FHAD1: variants seen among roughly 807,000 people sequenced by gnomAD.
FHAD1 encodes the protein forkhead associated phosphopeptide binding domain 1.
In FHAD1, 146 loss-of-function variants were observed where a neutral mutation model predicts 191.3. That is an observed-to-expected ratio of 0.76 (90% CI 0.67 to 0.88). The LOEUF is 0.88. Ranked by LOEUF, FHAD1 falls within the 40% of genes least tolerant of loss-of-function variation. The pLI is 0.00. For synonymous variants in FHAD1, 616 were observed against 672.3 expected (o/e 0.92, Z 1.29); for missense variants, 1,635 against 1,785.8 (o/e 0.92, Z 1.52).
intron 14 of FHAD1, among the ~76,000 whole-genome samples, chr1:15,331,754 G>A (rs1453786040): frequency 6.6e-6 from 1 of 151,916 alleles, no homozygotes; most frequent in Non-Finnish European, 1.5e-5. Flanking sequence ...CAGGCAAGCA[G>A]GCAGGAAGGA....
rs1671319722 is a variant in FHAD1 at position 15,308,700 on chromosome 1, G to T, written c.1003G>T (p.Gly335Cys). 1 of 1,551,746 alleles carries T rather than the reference G, an allele frequency of 6.4e-7. No individual in the cohort carries two copies. The highest frequency in any genetic ancestry group is 8.7e-7 in the Non-Finnish European group (1 of 1,147,008). ...NSEITSLKNE[G>C]ENLKRDNAIT... Reference sequence around the variant, plus strand: ...AGAAATCACATCCCTGAAGAATGAGGGCGAGAACTTAAAGAGAGACAACGC... The same window carrying T: ...AGAAATCACATCCCTGAAGAATGAGTGCGAGAACTTAAAGAGAGACAACGC... The change falls in exon 7 of 34, where the codon GGC (glycine) becomes TGC (cysteine). Residue 335 changes from glycine to cysteine, a missense_variant. Gly to Cys is a radical substitution (Grantham distance 159, BLOSUM62 -3). Coordinates refer to ENST00000688493, the MANE Select transcript of FHAD1 (RefSeq NM_001391957.1).
At chr1:15,366,732 G>A (rs1696604748) in intron 24 of FHAD1, among the ~76,000 whole-genome samples, 1 of 152,132 alleles carries the variant, frequency 6.6e-6, no homozygotes, top group Non-Finnish European at 1.5e-5. Flanking sequence ...CTAGAGTAGG[G>A]GCAAAATAAC....
intron 6 of FHAD1, among the ~76,000 whole-genome samples, chr1:15,302,825 T>C (rs1040722417): frequency 2.0e-5 from 3 of 152,250 alleles, no homozygotes; most frequent in Admixed American, 2.0e-4. Flanking sequence ...CTGGTTAAAC[T>C]GTGGACATGC....
At chr1:15,377,891 A>C (rs563619163) in intron 28 of FHAD1, among the ~76,000 whole-genome samples, 1 of 152,214 alleles carries the variant, frequency 6.6e-6, no homozygotes, top group Non-Finnish European at 1.5e-5. Flanking sequence ...GCTGGCATTT[A>C]CTGAGTGCTT....
At chr1:15,241,392 C>T (rs144114663) in intron 1 of FHAD1, among the ~76,000 whole-genome samples, 3 of 152,176 alleles carry the variant, frequency 2.0e-5, no homozygotes, top group Non-Finnish European at 2.9e-5. Flanking sequence ...CAGTGGCTCA[C>T]GCCTATAATC....
chr1:15,309,877 CA>C (rs1671713187), intron 7 of FHAD1, among the ~76,000 whole-genome samples: 1 of 152,024 alleles, frequency 6.6e-6, no homozygotes, highest in Non-Finnish European at 1.5e-5. Context: ...GCAGAGAGCA[CA>C]GGTGCAAAGG....
intron 6 of FHAD1, among the ~76,000 whole-genome samples, chr1:15,302,384 C>T (rs903353489): frequency 1.2e-4 from 19 of 152,174 alleles, no homozygotes; most frequent in Non-Finnish European, 2.4e-4. Context: ...CAGTCATGTA[C>T]GTTTCTCTTG....
chr1:15,309,664 T>C (rs1388791862), intron 7 of FHAD1, among the ~76,000 whole-genome samples: 1 of 151,536 alleles, frequency 6.6e-6, no homozygotes, highest in Non-Finnish European at 1.5e-5. Flanking sequence ...TATGAGATTT[T>C]TTTTTTTTAG....
intron 3 of FHAD1, 148 bp downstream of exon 3, chr1:15,272,677 G>A (rs994655986): frequency 8.4e-5 from 60 of 710,084 alleles, no homozygotes; most frequent in Admixed American, 1.7e-4. Context: ...TGGACCCTGT[G>A]GAGTTCTGAG....
At chr1:15,367,267 G>A (rs930206569) in intron 24 of FHAD1, among the ~76,000 whole-genome samples, 196 bp from the exon 25 acceptor site, 7 of 152,058 alleles carry the variant, frequency 4.6e-5, no homozygotes, top group African/African-American at 1.2e-4. Flanking sequence ...AGACTGAGGC[G>A]GGTGGATCAC....
intron 5 of FHAD1, among the ~76,000 whole-genome samples, chr1:15,298,115 CA>C (rs1233237880): frequency 2.6e-5 from 4 of 152,190 alleles, no homozygotes; most frequent in African/African-American, 9.7e-5. Flanking sequence ...ATTGCAAAAT[CA>C]TGGAACCAAT....
chr1:15,301,778 G>A (rs1340289968), intron 6 of FHAD1, among the ~76,000 whole-genome samples: 3 of 152,214 alleles, frequency 2.0e-5, no homozygotes, highest in Admixed American at 6.5e-5. Flanking sequence ...CTGTAATCTG[G>A]CACTTTGGGA....
intron 31 of FHAD1, chr1:15,383,546 TTCA>T (rs1701403464): frequency 5.9e-6 from 2 of 336,480 alleles, no homozygotes; most frequent in South Asian, 4.8e-5. Flanking sequence ...AGTTGACATA[TTCA>T]TCATCCACTC....
intron 2 of FHAD1, among the ~76,000 whole-genome samples, chr1:15,258,907 G>A (rs1487892372): frequency 2.0e-5 from 3 of 152,060 alleles, no homozygotes; most frequent in Non-Finnish European, 2.9e-5. Context: ...CCTGCTTTCA[G>A]TTCTTTCAGA....
At chr1:15,359,523 G>A (rs769687036) in intron 21 of FHAD1, among the ~76,000 whole-genome samples, 26 of 152,174 alleles carry the variant, frequency 1.7e-4, no homozygotes, top group Admixed American at 2.6e-4. Flanking sequence ...TTTGCCATTC[G>A]GGGGTCATTA....
rs1701025256 is a variant in FHAD1 at position 15,381,982 on chromosome 1, G to A, written c.4023-46G>A. The A allele has an allele frequency of 6.5e-7, 1 of 1,541,434 alleles. No homozygotes were observed. The highest frequency in any genetic ancestry group is 1.4e-5 in the African/African-American group (1 of 72,600). ...CGGGTCTGGCACATTGATGATGATT[G>A]GGAAAGATAAGGGAAAAACAGACGC... On this transcript the variant is annotated intron_variant, in intron 30 of 33. Transcript: ENST00000688493. This position sits in a 1 kb window ranked among gnomAD's most constrained non-coding sequence, Gnocchi z 4.6.
chr1:15,364,001 C>A (rs1019894049), intron 23 of FHAD1: 1 of 326,784 alleles, frequency 3.1e-6, no homozygotes. Context: ...GTTCCTGACT[C>A]CTCCTCCTGT....
chr1:15,350,013 C>T (rs1020143888), intron 19 of FHAD1, among the ~76,000 whole-genome samples: 3 of 152,218 alleles, frequency 2.0e-5, no homozygotes, highest in South Asian at 2.1e-4. Context: ...AGCTGGGCTT[C>T]GGGGACAGAG....
chr1:15,381,225 T>C lies in FHAD1; in HGVS notation c.3802-6T>C. ...TGCCTCTTATGCGCGAACGTTTTCC[T>C]TGTAGTACCTGGATATGAGCAAAAC... On this transcript the variant is annotated splice_region_variant and splice_polypyrimidine_tract_variant and intron_variant, in intron 29 of 33. Coordinates refer to ENST00000688493, the MANE Select transcript of FHAD1 (RefSeq NM_001391957.1). The surrounding 1 kb of genome is among the most constrained non-coding windows in gnomAD (Gnocchi z 4.6). 1 of 1,548,824 alleles carries C rather than the reference T, an allele frequency of 6.5e-7. No individual in the cohort carries two copies. The highest frequency in any genetic ancestry group is 1.2e-5 in the South Asian group (1 of 83,916).
Sources: gnomAD v4.1 joint callset for allele counts (sites outside exome capture counted in the v4.1 genomes callset) on GRCh38, gnomAD v4.1.1 for gene constraint, Gnocchi (gnomAD v3.1) non-coding constraint, MANE v1.5 for transcripts, NCBI Gene and HGNC (gene_info 2026-07-23, HGNC 2026-07-21) for gene names.